Variants in AUTS2 observed in about 807,000 individuals in gnomAD.
AUTS2 encodes the protein autism susceptibility gene 2 protein.
A neutral mutation model predicts 112.4 loss-of-function variants in AUTS2; 17 were observed. The observed-to-expected ratio is 0.15, with a 90% CI of 0.10 to 0.23. The LOEUF is 0.23. AUTS2 is among the 10% of genes least tolerant of loss of function. AUTS2 has a pLI of 1.00. For synonymous variants in AUTS2, 751 were observed against 702.7 expected (o/e 1.07, Z -1.09); for missense variants, 1,510 against 1,701.6 (o/e 0.89, Z 1.98).
intron 1 of AUTS2, among the ~76,000 whole-genome samples, chr7:69,751,883 T>C (rs1787752803): frequency 6.6e-6 from 1 of 152,192 alleles, no homozygotes; most frequent in Admixed American, 6.5e-5. Context: ...AAATAGTAGT[T>C]ATAACAAAAC....
intron 5 of AUTS2, among the ~76,000 whole-genome samples, chr7:70,671,040 C>T (rs750265443): frequency 5.3e-5 from 8 of 152,122 alleles, no homozygotes; most frequent in African/African-American, 1.9e-4. Flanking sequence ...GGTGTGGTGG[C>T]GCACGCCTGT....
intron 1 of AUTS2, among the ~76,000 whole-genome samples, chr7:69,793,889 G>A (rs1789728162): frequency 6.6e-6 from 1 of 152,192 alleles, no homozygotes; most frequent in Admixed American, 6.5e-5. Context: ...AGTCAGAGAA[G>A]GAAAGGTATT....
chr7:70,259,826 C>T (rs1005704242), intron 4 of AUTS2, among the ~76,000 whole-genome samples: 1 of 152,140 alleles, frequency 6.6e-6, no homozygotes, highest in Admixed American at 6.5e-5. Context: ...GTATCTTGGC[C>T]TCACATTAGT....
intron 4 of AUTS2, among the ~76,000 whole-genome samples, chr7:70,223,907 C>G (rs1439310531): frequency 6.6e-6 from 1 of 151,412 alleles, no homozygotes; most frequent in Non-Finnish European, 1.5e-5. Context: ...CTATTTTGCC[C>G]AGGCTAGTCT....
chr7:70,283,178 C>T (rs1368809512), intron 4 of AUTS2, among the ~76,000 whole-genome samples: 1 of 152,080 alleles, frequency 6.6e-6, no homozygotes, highest in African/African-American at 2.4e-5. Context: ...TGCAAAGTGG[C>T]TTACATATGG....
chr7:69,606,561 G>A (rs1446244148), intron 1 of AUTS2, among the ~76,000 whole-genome samples: 1 of 152,110 alleles, frequency 6.6e-6, no homozygotes, highest in African/African-American at 2.4e-5. Flanking sequence ...AGTGTTTCAT[G>A]CTGTTTTTTT....
chr7:69,978,381 T>C (rs1013410730), intron 2 of AUTS2, among the ~76,000 whole-genome samples: 2 of 152,208 alleles, frequency 1.3e-5, no homozygotes, highest in African/African-American at 4.8e-5. Context: ...TCTGGTTTTA[T>C]TGAAAAACTG....
intron 5 of AUTS2, among the ~76,000 whole-genome samples, chr7:70,479,675 G>A (rs984684932): frequency 2.6e-5 from 4 of 152,028 alleles, no homozygotes; most frequent in Non-Finnish European, 5.9e-5. Flanking sequence ...AGATTTGGTC[G>A]AGGACATTGG....
intron 1 of AUTS2, among the ~76,000 whole-genome samples, chr7:69,876,325 CAAAAAA>C (rs1167965776): frequency 6.3e-3 from 164 of 26,052 alleles, no homozygotes; most frequent in Middle Eastern, 0.071. Flanking sequence ...GACTCTGTCT[CAAAAAA>C]AAAAAAAAAA....
At position 69,710,352 on chromosome 7, in the gene AUTS2, C is replaced by T. The variant is rs373098093; in HGVS notation, c.309+110390C>T. ...CCCACTGTTATAATTAAGCCTGTTACTAGTTGTATGTTCTAGTTATAAAAT... is the reference window on the plus strand; with the variant it reads ...CCCACTGTTATAATTAAGCCTGTTATTAGTTGTATGTTCTAGTTATAAAAT... On this transcript the variant is annotated intron_variant, in intron 1 of 18. Coordinates refer to ENST00000342771, the MANE Select transcript of AUTS2 (RefSeq NM_015570.4). 9.1e-4 allele frequency among the ~76,000 whole-genome samples: 138 copies of T among 152,268 alleles called. 2 individuals are homozygous for T. In the South Asian group the frequency reaches 0.028, roughly 31 times the overall value.
rs765471805 is a variant in AUTS2 at position 70,763,219 on chromosome 7, A to C, written c.1092A>C (p.Pro364=). Reference sequence around the variant, plus strand: ...CTCAGGTGCAGAGGCCACCCAGGCCACAGTCCCCCACCCAGCTGCTCCATC... The same window carrying C: ...CTCAGGTGCAGAGGCCACCCAGGCCCCAGTCCCCCACCCAGCTGCTCCATC... ...PQPQVQRPPR[P]QSPTQLLHQN... The change falls in exon 7 of 19, where the codon CCA becomes CCC. Residue 364 remains proline, a synonymous_variant. Coordinates refer to ENST00000342771, the MANE Select transcript of AUTS2 (RefSeq NM_015570.4). 1.9e-6 allele frequency: 3 copies of C among 1,614,032 alleles called. No individual in the cohort carries two copies. In the South Asian group the frequency reaches 3.3e-5, roughly 18 times the overall value.
chr7:70,285,605 A>G (rs1391665539), intron 4 of AUTS2, among the ~76,000 whole-genome samples: 2 of 152,154 alleles, frequency 1.3e-5, no homozygotes, highest in African/African-American at 2.4e-5. Context: ...TCTCCCTGAA[A>G]TCTTCTTCAG....
intron 2 of AUTS2, among the ~76,000 whole-genome samples, chr7:69,954,380 C>G (rs1268217502): frequency 6.6e-6 from 1 of 152,102 alleles, no homozygotes; most frequent in Non-Finnish European, 1.5e-5. Flanking sequence ...CTCCTGGGCT[C>G]AAGCAGTCCC....
intron 1 of AUTS2, among the ~76,000 whole-genome samples, chr7:69,709,122 C>G (rs770844514): frequency 6.6e-6 from 1 of 152,204 alleles, no homozygotes; most frequent in African/African-American, 2.4e-5. Context: ...CTTAGCGGAA[C>G]TGCACAAGGC....
At chr7:69,947,922 A>G (rs1796879742) in intron 2 of AUTS2, among the ~76,000 whole-genome samples, 1 of 152,222 alleles carries the variant, frequency 6.6e-6, no homozygotes, top group African/African-American at 2.4e-5. Context: ...AATGTTACAC[A>G]GCTTGTAAGT....
chr7:70,767,015 A>ATT (rs34794536), intron 9 of AUTS2, among the ~76,000 whole-genome samples: 2 of 151,854 alleles, frequency 1.3e-5, no homozygotes, highest in South Asian at 4.2e-4. Context: ...CCAGTGAGGA[A>ATT]TTTTTTTTTA....
chr7:69,821,578 A>C (rs1365548887), intron 1 of AUTS2, among the ~76,000 whole-genome samples: 1 of 151,812 alleles, frequency 6.6e-6, no homozygotes, highest in Non-Finnish European at 1.5e-5. Context: ...GCTGCTGCTC[A>C]CTCTTAGGGT....
At chr7:70,266,461 A>C (rs1787429663) in intron 4 of AUTS2, among the ~76,000 whole-genome samples, 1 of 152,172 alleles carries the variant, frequency 6.6e-6, no homozygotes, top group Admixed American at 6.5e-5. Flanking sequence ...ACAACCTTGA[A>C]AACTACTGAA....
intron 2 of AUTS2, among the ~76,000 whole-genome samples, chr7:69,964,425 T>C (rs1320507325): frequency 1.3e-5 from 2 of 152,202 alleles, no homozygotes; most frequent in Non-Finnish European, 2.9e-5. Context: ...TAATAAAATA[T>C]AAACTCATTA....
Sources: gnomAD v4.1 joint callset for allele counts (sites outside exome capture counted in the v4.1 genomes callset) on GRCh38, gnomAD v4.1.1 for gene constraint, MANE v1.5 for transcripts, NCBI Gene and HGNC (gene_info 2026-07-23, HGNC 2026-07-21) for gene names.